SGCZ: variants seen among roughly 807,000 people sequenced by gnomAD.
SGCZ encodes sarcoglycan zeta.
In SGCZ, 40 loss-of-function variants were observed where a neutral mutation model predicts 41.3. That is an observed-to-expected ratio of 0.97 (90% confidence interval 0.75 to 1.26). The LOEUF (loss-of-function observed/expected upper bound fraction) is 1.26. Ranked by LOEUF, SGCZ falls within the 50% of genes most tolerant of loss-of-function variation. The pLI is 0.00. For synonymous variants in SGCZ, 206 were observed against 137.5 expected (o/e 1.50, Z -3.49); for missense variants, 552 against 369.8 (o/e 1.49, Z -4.04).
rs1463409758 is a variant in SGCZ at position 14,309,613 on chromosome 8, A to G, written c.336+14490T>C. 3.7e-6 allele frequency: 6 copies of G among 1,610,812 alleles called. No homozygotes were observed. In the African/African-American group the frequency reaches 6.7e-5, roughly 18 times the overall value. ...CATCCAAAGATAGTGACTGGTTATC[A>G]GTCCCACGCAGACACAGCTACTAAG... On this transcript the variant is annotated intron_variant, in intron 3 of 7. Coordinates refer to ENST00000382080, the MANE Select transcript of SGCZ (RefSeq NM_139167.4).
chr8:14,915,164 T>C (rs1202570291), intron 1 of SGCZ, among the ~76,000 whole-genome samples: 1 of 152,204 alleles, frequency 6.6e-6, no homozygotes, highest in Non-Finnish European at 1.5e-5. Flanking sequence ...ATATATATAA[T>C]GTTGGCATGC....
chr8:15,151,052 G>T (rs1799166126), intron 1 of SGCZ, among the ~76,000 whole-genome samples: 1 of 152,232 alleles, frequency 6.6e-6, no homozygotes, highest in African/African-American at 2.4e-5. Context: ...TTTCTCTGAT[G>T]TACATACACA....
chr8:14,268,702 A>G (rs1252862871), intron 3 of SGCZ, among the ~76,000 whole-genome samples: 2 of 151,890 alleles, frequency 1.3e-5, no homozygotes, highest in African/African-American at 2.4e-5. Context: ...TTAGAACATG[A>G]GAAAATTATA....
chr8:14,153,900 CTG>C (rs1803789569), intron 5 of SGCZ, among the ~76,000 whole-genome samples: 5 of 135,656 alleles, frequency 3.7e-5, no homozygotes, highest in South Asian at 2.3e-4. Flanking sequence ...GTCAGTCTGT[CTG>C]TCTCTCTCTC....
intron 1 of SGCZ, among the ~76,000 whole-genome samples, chr8:15,122,457 T>G (rs1428374194): frequency 6.6e-6 from 1 of 152,146 alleles, no homozygotes; most frequent in African/African-American, 2.4e-5. Context: ...TGAGCTGAAA[T>G]GTTTTGCTTT....
intron 1 of SGCZ, among the ~76,000 whole-genome samples, chr8:14,724,337 T>C (rs1043093583): frequency 2.4e-4 from 37 of 152,012 alleles, no homozygotes; most frequent in African/African-American, 8.4e-4. Context: ...GTTCTAATTA[T>C]TTTTTTCCTA....
chr8:14,496,414 A>G (rs1801989822), intron 2 of SGCZ, among the ~76,000 whole-genome samples: 1 of 152,130 alleles, frequency 6.6e-6, no homozygotes, highest in Non-Finnish European at 1.5e-5. Flanking sequence ...AAGGAGTACA[A>G]AATGAATACA....
At chr8:15,197,338 T>G (rs1482168847) in intron 1 of SGCZ, among the ~76,000 whole-genome samples, 1 of 152,206 alleles carries the variant, frequency 6.6e-6, no homozygotes, top group Non-Finnish European at 1.5e-5. Flanking sequence ...GATGGCCTGT[T>G]TTGAAGAAAA....
At chr8:15,180,308 T>C (rs973727165) in intron 1 of SGCZ, among the ~76,000 whole-genome samples, 4 of 152,206 alleles carry the variant, frequency 2.6e-5, no homozygotes, top group African/African-American at 9.6e-5. Flanking sequence ...TCTTTTCCAC[T>C]GGCTATATAA....
chr8:14,764,992 A>C (rs1166196175), intron 1 of SGCZ, among the ~76,000 whole-genome samples: 1 of 152,192 alleles, frequency 6.6e-6, no homozygotes, highest in Non-Finnish European at 1.5e-5. Flanking sequence ...ACTTTCGTAG[A>C]GCTTTAAATT....
Position 14,956,039 on chromosome 8 carries a change from C to CTTT in SGCZ, c.39+281543_39+281545dup, listed in dbSNP as rs71884770. Reference sequence around the variant, plus strand: ...TAATGTAGGTAGGACACTACTTTTACTTTTTTTTTTTTTTTTTTTGAGACG... The same window carrying CTTT: ...TAATGTAGGTAGGACACTACTTTTACTTTTTTTTTTTTTTTTTTTTTTGAGACG... On this transcript the variant is annotated intron_variant, in intron 1 of 7. Coordinates refer to ENST00000382080, the MANE Select transcript of SGCZ (RefSeq NM_139167.4). 8.6e-3 allele frequency among the ~76,000 whole-genome samples: 1,039 copies of CTTT among 120,170 alleles called. 40 individuals carry two copies. The highest frequency in any genetic ancestry group is 0.024 in the African/African-American group (758 of 31,444). 78.8% of individuals were successfully genotyped at this position (120,170 alleles called of 152,430 possible).
chr8:14,236,629 TTTCTC>T, intron 4 of SGCZ, among the ~76,000 whole-genome samples: 1 of 151,480 alleles, frequency 6.6e-6, no homozygotes, highest in Non-Finnish European at 1.5e-5. Flanking sequence ...GTAATTTACT[TTTCTC>T]TTTCCCTCTT....
At chr8:14,476,482 T>C (rs1012137436) in intron 2 of SGCZ, among the ~76,000 whole-genome samples, 1 of 151,998 alleles carries the variant, frequency 6.6e-6, no homozygotes, top group Non-Finnish European at 1.5e-5. Flanking sequence ...TTTATTATAA[T>C]AATAAAAATT....
chr8:14,655,181 G>A (rs557069253), intron 1 of SGCZ, among the ~76,000 whole-genome samples: 1 of 152,002 alleles, frequency 6.6e-6, no homozygotes, highest in East Asian at 1.9e-4. Flanking sequence ...GATTTACATG[G>A]GTATGAACTG....
chr8:14,926,101 A>T (rs1367061170), intron 1 of SGCZ, among the ~76,000 whole-genome samples: 1 of 152,242 alleles, frequency 6.6e-6, no homozygotes, highest in Non-Finnish European at 1.5e-5. Flanking sequence ...GACAATCCCT[A>T]AGAAGAACAC....
rs567457406 is a variant in SGCZ, at chr8:14,231,305, T to A, written c.424+6287A>T. Among the ~76,000 whole-genome samples, 3 of 151,464 alleles carry A rather than the reference T, an allele frequency of 2.0e-5. No homozygotes were observed. The East Asian group carries it at 5.9e-4, about 30-fold the overall frequency. On this transcript the variant is annotated intron_variant, in intron 4 of 7. Transcript: ENST00000382080. Reference sequence around the variant, plus strand: ...AGAGAGAGTGTGTCTGTCTTGAATGTTGGAGGTGGGCAGAGGGGCACTGGC... The same window carrying A: ...AGAGAGAGTGTGTCTGTCTTGAATGATGGAGGTGGGCAGAGGGGCACTGGC...
chr8:14,824,103 G>C (rs757626747), intron 1 of SGCZ, among the ~76,000 whole-genome samples: 72 of 152,056 alleles, frequency 4.7e-4, no homozygotes, highest in Non-Finnish European at 8.7e-4. Context: ...AAGCAAAAGA[G>C]GAGAGGAGGA....
intron 1 of SGCZ, among the ~76,000 whole-genome samples, chr8:14,701,686 C>T (rs13266896): frequency 0.81 from 123,411 of 151,786 alleles, 50,534 homozygotes; most frequent in African/African-American, 0.92. Flanking sequence ...TGTTCTGTGT[C>T]CCACTGAGAA....
intron 4 of SGCZ, among the ~76,000 whole-genome samples, chr8:14,225,372 T>G (rs567677657): frequency 6.6e-6 from 1 of 152,088 alleles, no homozygotes; most frequent in Non-Finnish European, 1.5e-5. Flanking sequence ...AAAAAAACTC[T>G]CAGCAAATAT....
Sources: gnomAD v4.1 joint callset for allele counts (sites outside exome capture counted in the v4.1 genomes callset) on GRCh38, gnomAD v4.1.1 for gene constraint, MANE v1.5 for transcripts, NCBI Gene and HGNC (gene_info 2026-07-23, HGNC 2026-07-21) for gene names.